Variants in PAFAH1B1 observed in about 807,000 individuals in gnomAD.
PAFAH1B1 encodes the protein platelet-activating factor acetylhydrolase IB subunit beta.
Under a neutral mutation model 57.5 loss-of-function variants are expected in PAFAH1B1, and 2 were observed. That is an observed-to-expected ratio of 0.03 (90% CI 0.01 to 0.11). PAFAH1B1 has a LOEUF of 0.11. Ranked by LOEUF, PAFAH1B1 falls within the 10% of genes least tolerant of loss-of-function variation. The probability of loss-of-function intolerance (pLI) is 1.00; values close to 1 mark genes in which losing one functional copy is unlikely to be tolerated. For missense variants in PAFAH1B1, 257 were observed against 512.0 expected (o/e 0.50, Z 4.81); for synonymous variants, 152 against 169.6 (o/e 0.90, Z 0.81).
At chr17:2,670,610 A>T (rs888457088) in intron 6 of PAFAH1B1, among the ~76,000 whole-genome samples, 17 of 152,182 alleles carry the variant, frequency 1.1e-4, no homozygotes, top group African/African-American at 3.6e-4. Flanking sequence ...TTGAGTTAAA[A>T]ATGGTTTTGT....
In PAFAH1B1 at chr17:2,674,781, C is replaced by G. The variant is rs530851144; in HGVS notation, c.900+493C>G. ...TGATGTTCTTGATCATTTAAAAGTA[C>G]TAGCTGAGCCTGGAGTTTTAACGCA... On this transcript the variant is annotated intron_variant, in intron 8 of 10. Transcript: ENST00000397195. Among the ~76,000 whole-genome samples, 255 of 152,238 alleles carry G rather than the reference C, an allele frequency of 1.7e-3. 3 individuals are homozygous for G. The highest frequency in any genetic ancestry group is 5.8e-3 in the African/African-American group (243 of 41,540).
chr17:2,656,171 G>A (rs916512661), intron 2 of PAFAH1B1, among the ~76,000 whole-genome samples: 2 of 152,126 alleles, frequency 1.3e-5, no homozygotes, highest in South Asian at 2.1e-4. Context: ...TGATCTGCCC[G>A]CCTCAGCCTC....
chr17:2,662,696 C>T (rs912122081), intron 2 of PAFAH1B1, among the ~76,000 whole-genome samples: 3 of 152,086 alleles, frequency 2.0e-5, no homozygotes, highest in Admixed American at 6.6e-5. Flanking sequence ...TAGGCCACTG[C>T]GCCCAGCCTT....
At chr17:2,609,228 T>C (rs1016299196) in intron 1 of PAFAH1B1, among the ~76,000 whole-genome samples, 2 of 152,204 alleles carry the variant, frequency 1.3e-5, no homozygotes, top group African/African-American at 4.8e-5. Flanking sequence ...GGGGCTGGTC[T>C]CAGACTCCTG....
At chr17:2,664,849 A>G (rs555326408) in intron 2 of PAFAH1B1, among the ~76,000 whole-genome samples, 1 of 152,182 alleles carries the variant, frequency 6.6e-6, no homozygotes, top group Non-Finnish European at 1.5e-5. Flanking sequence ...ACGACAGTAC[A>G]CTAAGTTTAT....
intron 1 of PAFAH1B1, among the ~76,000 whole-genome samples, chr17:2,618,063 A>T (rs62068216): frequency 0.013 from 1,954 of 152,230 alleles, 14 homozygotes; most frequent in Non-Finnish European, 0.016. Context: ...CCTGCCCAAC[A>T]TGGTGAAATC....
chr17:2,626,884 A>G (rs1007231099), intron 1 of PAFAH1B1, among the ~76,000 whole-genome samples: 1 of 151,918 alleles, frequency 6.6e-6, no homozygotes, highest in Non-Finnish European at 1.5e-5. Context: ...GGCCATTTGT[A>G]TATCTTCTTT....
chr17:2,654,121 T>G (rs911468659), intron 2 of PAFAH1B1, among the ~76,000 whole-genome samples: 10 of 152,002 alleles, frequency 6.6e-5, no homozygotes, highest in African/African-American at 2.4e-4. Context: ...ACTATACATT[T>G]AAATATAAAC....
Position 2,685,576 on chromosome 17 carries a change from A to C in PAFAH1B1, c.*3774A>C, listed in dbSNP as rs950075200. ...TGTTTTCTGCATATTAAAAAATCTTATTGTACCAACTGGTAAACTATTAAA... is the reference window on the plus strand; with the variant it reads ...TGTTTTCTGCATATTAAAAAATCTTCTTGTACCAACTGGTAAACTATTAAA... On this transcript the variant is annotated 3_prime_UTR_variant, in exon 11 of 11. Transcript: ENST00000397195. The C allele has an allele frequency of 3.4e-5, 5 of 148,210 alleles. No homozygotes were observed. The highest frequency in any genetic ancestry group is 1.3e-4 in the African/African-American group (5 of 39,772). The allele number at this position is 148,210 out of a possible 1,614,324, so 9.2% of individuals were successfully genotyped here.
At chr17:2,615,368 G>A (rs2068325718) in intron 1 of PAFAH1B1, among the ~76,000 whole-genome samples, 1 of 152,184 alleles carries the variant, frequency 6.6e-6, no homozygotes, top group African/African-American at 2.4e-5. Flanking sequence ...AAAATCTAAA[G>A]TCATAATTCA....
At chr17:2,611,463 G>A (rs2151615004) in intron 1 of PAFAH1B1, among the ~76,000 whole-genome samples, 1 of 150,414 alleles carries the variant, frequency 6.6e-6, no homozygotes, top group South Asian at 2.1e-4. Context: ...GCAAGACTCC[G>A]TCTCGGGGCA....
chr17:2,678,039 C>G (rs954457877), intron 9 of PAFAH1B1, among the ~76,000 whole-genome samples: 28 of 150,424 alleles, frequency 1.9e-4, no homozygotes, highest in Non-Finnish European at 3.6e-4. Flanking sequence ...GGTGGATCAC[C>G]TGAGGTCAGG....
intron 1 of PAFAH1B1, among the ~76,000 whole-genome samples, chr17:2,597,268 A>G (rs2068093242): frequency 6.6e-6 from 1 of 152,120 alleles, no homozygotes; most frequent in African/African-American, 2.4e-5. Flanking sequence ...TGAGATTGGA[A>G]GGAATTTTTT....
At chr17:2,631,059 G>C (rs549640884) in intron 1 of PAFAH1B1, among the ~76,000 whole-genome samples, 205 of 152,254 alleles carry the variant, frequency 1.3e-3, no homozygotes, top group African/African-American at 4.6e-3. Flanking sequence ...TGACCAACAT[G>C]GTGAAACCTT....
chr17:2,650,631 C>G (rs2068835554), intron 2 of PAFAH1B1, among the ~76,000 whole-genome samples: 1 of 101,018 alleles, frequency 9.9e-6, no homozygotes, highest in African/African-American at 3.8e-5. Context: ...CAGAGCAAGA[C>G]TCTGTCTCAA....
intron 9 of PAFAH1B1, among the ~76,000 whole-genome samples, chr17:2,677,771 G>A (rs1160638297): frequency 4.6e-5 from 7 of 151,630 alleles, no homozygotes; most frequent in African/African-American, 1.5e-4. Context: ...GGAGAATGGC[G>A]TGAACCCGGG....
chr17:2,670,238 G>A lies in PAFAH1B1; in HGVS notation c.475G>A (p.Asp159Asn), dbSNP rs753583241. The stretch of plus-strand genomic sequence containing the variant: ...AGACTCTGTACAGGACATTTCATTC[G>A]ACCACAGCGGCAAGCTTCTGGCTTC... ...HTDSVQDISF[D>N]HSGKLLASCS... Residue 159 changes from aspartate (D) to asparagine (N), a missense_variant, in exon 6 of 11, where the codon GAC becomes AAC. Asp to Asn is a conservative substitution (Grantham distance 23). Coordinates refer to ENST00000397195, the MANE Select transcript of PAFAH1B1 (RefSeq NM_000430.4). 8.7e-6 allele frequency: 14 copies of A among 1,614,046 alleles called. No individual in the cohort carries two copies. Among genetic ancestry groups the A allele is most frequent in the Non-Finnish European group, 1.0e-5 (12 of 1,179,956 alleles).
intron 1 of PAFAH1B1, among the ~76,000 whole-genome samples, chr17:2,626,018 A>G (rs938284349): frequency 6.6e-6 from 1 of 152,198 alleles, no homozygotes; most frequent in Non-Finnish European, 1.5e-5. Context: ...TGGGAGGCCA[A>G]GGCAGGTGGA....
chr17:2,664,673 T>G (rs28423027), intron 2 of PAFAH1B1, among the ~76,000 whole-genome samples: 5 of 112,234 alleles, frequency 4.5e-5, no homozygotes, highest in Non-Finnish European at 6.4e-5. Flanking sequence ...TCGCTCTCTC[T>G]CTCTCTCTCT....
Sources: gnomAD v4.1 joint callset for allele counts (sites outside exome capture counted in the v4.1 genomes callset) on GRCh38, gnomAD v4.1.1 for gene constraint, MANE v1.5 for transcripts, NCBI Gene and HGNC (gene_info 2026-07-23, HGNC 2026-07-21) for gene names.